The following NLGN4Y variants were observed in gnomAD, a reference collection of about 807,000 sequenced individuals.
NLGN4Y encodes neuroligin-4, Y-linked.
A neutral mutation model predicts 8.4 loss-of-function variants in NLGN4Y; 4 were observed. The observed-to-expected ratio is 0.48, with a 90% CI of 0.23 to 1.09. The LOEUF (loss-of-function observed/expected upper bound fraction) is 1.09, where lower values mean the gene tolerates loss of function less well. NLGN4Y is among the 50% of genes least tolerant of loss of function. The pLI, the probability that NLGN4Y is intolerant of heterozygous loss-of-function variation, is 0.19. For synonymous variants in NLGN4Y, 35 were observed against 75.6 expected (o/e 0.46, Z 2.78); for missense variants, 90 against 192.3 (o/e 0.47, Z 3.15).
chrY:14,614,101 G>T (rs2080478677), intron 1 of NLGN4Y, among the ~76,000 whole-genome samples: 1 of 33,696 alleles, frequency 3.0e-5, no homozygotes, highest in South Asian at 6.7e-4. Flanking sequence ...AGCATCTGTT[G>T]TTCACTGACG....
intron 2 of NLGN4Y, among the ~76,000 whole-genome samples, chrY:14,633,043 T>C: frequency 3.0e-5 from 1 of 33,809 alleles, no homozygotes; most frequent in East Asian, 7.7e-4. Flanking sequence ...TAATTCAATT[T>C]ACAATTTAGA....
At chrY:14,616,334 C>CT (rs2080488864) in intron 1 of NLGN4Y, among the ~76,000 whole-genome samples, 1 of 32,929 alleles carries the variant, frequency 3.0e-5, no homozygotes, top group African/African-American at 1.2e-4. Flanking sequence ...ATTCTTCTCT[C>CT]TTTTTTTCTT....
chrY:14,844,440 C>A lies in NLGN4Y; in HGVS notation c.*3178C>A, dbSNP rs751731409. The A allele has an allele frequency of 2.7e-5, 1 of 36,627 alleles. No individual in the cohort carries two copies. The highest frequency in any genetic ancestry group is 6.5e-5 in the Non-Finnish European group (1 of 15,372). 9.1% of individuals were successfully genotyped at this position (36,627 alleles called of 400,897 possible). A position where few individuals can be genotyped will look rare whatever the true frequency, so the allele number is the denominator to read the frequency against. On this transcript the variant is annotated 3_prime_UTR_variant, in exon 7 of 7. Coordinates refer to ENST00000684976, the MANE Select transcript of NLGN4Y (RefSeq NM_001365588.1). ...TTCCTTCCTGTGCATTCAGCCATCA[C>A]GAACTTATTTCACATTCACAGTAGC...
intron 2 of NLGN4Y, among the ~76,000 whole-genome samples, chrY:14,686,081 T>C: frequency 3.0e-5 from 1 of 32,984 alleles, no homozygotes; most frequent in Non-Finnish European, 7.5e-5. Flanking sequence ...CTTATAGAGA[T>C]CTTTGCATCT....
At chrY:14,697,897 G>A in intron 2 of NLGN4Y, among the ~76,000 whole-genome samples, 1 of 32,941 alleles carries the variant, frequency 3.0e-5, no homozygotes, top group Non-Finnish European at 7.5e-5. Flanking sequence ...CTCCCTGACA[G>A]CAAACACTGA....
intron 1 of NLGN4Y, among the ~76,000 whole-genome samples, chrY:14,611,387 TTTTC>T (rs2080467576): frequency 4.4e-5 from 1 of 22,969 alleles, no homozygotes; most frequent in African/African-American, 3.9e-4. Context: ...ATCTTTTTTT[TTTTC>T]TTTTTTTTTT....
intron 2 of NLGN4Y, among the ~76,000 whole-genome samples, chrY:14,646,694 A>G: frequency 2.9e-5 from 1 of 34,064 alleles, no homozygotes; most frequent in East Asian, 7.9e-4. Flanking sequence ...ATAGAAGTCT[A>G]TAGAAAAAGA....
intron 1 of NLGN4Y, among the ~76,000 whole-genome samples, chrY:14,595,647 A>G (rs1603500870): frequency 6.1e-5 from 2 of 32,854 alleles, no homozygotes; most frequent in African/African-American, 2.4e-4. Flanking sequence ...ATGGCTTAGG[A>G]TGCATTTCAA....
At chrY:14,818,551 G>C (rs2043110719) in intron 4 of NLGN4Y, among the ~76,000 whole-genome samples, 1 of 33,169 alleles carries the variant, frequency 3.0e-5, no homozygotes, top group South Asian at 6.8e-4. Flanking sequence ...GCTTTCCACA[G>C]GCACCCTCAG....
chrY:14,636,904 T>A, intron 2 of NLGN4Y, among the ~76,000 whole-genome samples: 3 of 33,535 alleles, frequency 8.9e-5, no homozygotes, highest in Admixed American at 5.6e-4. Context: ...AAATCTGCCA[T>A]CTCCAGTAGA....
chrY:14,579,470 G>A (rs758371625), intron 1 of NLGN4Y, among the ~76,000 whole-genome samples: 5 of 32,954 alleles, frequency 1.5e-4, no homozygotes, highest in East Asian at 1.6e-3. Context: ...CACTTTGGGC[G>A]GCCAAGACAG....
upstream of NLGN4Y, chrY:14,523,490 C>A: frequency 8.3e-6 from 1 of 120,164 alleles, no homozygotes; most frequent in Non-Finnish European, 1.8e-5. Context: ...TATGTACACA[C>A]ACACACATAC....
intron 4 of NLGN4Y, among the ~76,000 whole-genome samples, chrY:14,776,293 A>ATT (rs2081125554): frequency 6.4e-5 from 2 of 31,147 alleles, no homozygotes; most frequent in African/African-American, 2.5e-4. Flanking sequence ...TTTTATGTAG[A>ATT]TTATATATAT....
At chrY:14,710,401 G>A (rs1419443636) in intron 2 of NLGN4Y, among the ~76,000 whole-genome samples, 1 of 33,344 alleles carries the variant, frequency 3.0e-5, no homozygotes. Flanking sequence ...ACCTGTAGGG[G>A]TCCCAGCTAC....
intron 6 of NLGN4Y, among the ~76,000 whole-genome samples, chrY:14,834,257 C>A: frequency 3.0e-5 from 1 of 33,042 alleles, no homozygotes; most frequent in Non-Finnish European, 7.4e-5. Flanking sequence ...ATTCACATTG[C>A]CATTTATGGT....
chrY:14,762,230 A>C, intron 4 of NLGN4Y, among the ~76,000 whole-genome samples: 1 of 34,288 alleles, frequency 2.9e-5, no homozygotes, highest in South Asian at 6.3e-4. Context: ...TCTGATAATC[A>C]CCTACTATGA....
chrY:14,633,706 A>AT (rs2080556303), intron 2 of NLGN4Y, among the ~76,000 whole-genome samples: 4 of 32,808 alleles, frequency 1.2e-4, no homozygotes, highest in Admixed American at 2.8e-4. Context: ...AGGTCCTCTG[A>AT]TTTTTTTTTA....
intron 2 of NLGN4Y, among the ~76,000 whole-genome samples, chrY:14,685,090 G>A: frequency 3.0e-5 from 1 of 33,199 alleles, no homozygotes; most frequent in Non-Finnish European, 7.4e-5. Context: ...AGTTCCTACG[G>A]CAGTATTTAA....
chrY:14,733,579 C>A lies in NLGN4Y; in HGVS notation c.685+10310C>A. 4 of 170,745 alleles carry A rather than the reference C, an allele frequency of 2.3e-5. No homozygotes were observed. In the African/African-American group the frequency reaches 3.5e-4, roughly 15 times the overall value. 42.6% of individuals were successfully genotyped at this position (170,745 alleles called of 400,897 possible). On this transcript the variant is annotated intron_variant, in intron 4 of 6. Transcript: ENST00000684976. ...TTACACATGTTTCTTGATTTTAGGG[C>A]GATTCTACCCCAACATGCAAAATAA...
Sources: gnomAD v4.1 joint callset for allele counts (sites outside exome capture counted in the v4.1 genomes callset) on GRCh38, gnomAD v4.1.1 for gene constraint, MANE v1.5 for transcripts, NCBI Gene and HGNC (gene_info 2026-07-23, HGNC 2026-07-21) for gene names.